VPS35L: variants seen among roughly 807,000 people sequenced by gnomAD.
The protein encoded by VPS35L is VPS35 endosomal protein sorting factor like, also known as VPS35 endosomal protein-sorting factor-like.
A neutral mutation model predicts 133.0 loss-of-function variants in VPS35L; 83 were observed. The ratio of observed to expected loss-of-function variants is 0.62; its 90% CI spans 0.52 to 0.75. The LOEUF (loss-of-function observed/expected upper bound fraction) is 0.75, where lower values mean the gene tolerates loss of function less well. VPS35L is among the 30% of genes least tolerant of loss of function. The pLI, the probability that VPS35L is intolerant of heterozygous loss-of-function variation, is 0.00. For missense variants in VPS35L, 1,083 were observed against 1,206.8 expected (o/e 0.90, Z 1.52); for synonymous variants, 423 against 449.9 (o/e 0.94, Z 0.76).
intron 6 of VPS35L, among the ~76,000 whole-genome samples, chr16:19,580,310 C>T (rs1311016034): frequency 1.3e-5 from 2 of 151,470 alleles, no homozygotes; most frequent in Non-Finnish European, 2.9e-5. Flanking sequence ...GAGGGTTTCA[C>T]GATGTTGACC....
chr16:19,583,822 T>C (rs758898339), intron 7 of VPS35L, among the ~76,000 whole-genome samples: 2 of 152,128 alleles, frequency 1.3e-5, no homozygotes, highest in Non-Finnish European at 2.9e-5. Flanking sequence ...TCCTCATATG[T>C]AGCTGTAATT....
chr16:19,586,413 C>G (rs172889), intron 7 of VPS35L, among the ~76,000 whole-genome samples: 9,906 of 152,204 alleles, frequency 0.065, 735 homozygotes, highest in African/African-American at 0.18. Context: ...GATCTCAGCT[C>G]ACTGCAACCT....
chr16:19,581,423 A>G, intron 6 of VPS35L, 102 bp from the exon 7 acceptor site: 1 of 1,319,106 alleles, frequency 7.6e-7, no homozygotes, highest in Non-Finnish European at 9.9e-7. Context: ...TATGAGGAAA[A>G]TTTAGAGACC....
At chr16:19,692,492 G>C (rs557599213) in intron 29 of VPS35L, among the ~76,000 whole-genome samples, 3 of 152,020 alleles carry the variant, frequency 2.0e-5, no homozygotes, top group Non-Finnish European at 4.4e-5. Flanking sequence ...ATTCTAACCC[G>C]GATTCCCAAA....
At chr16:19,616,295 T>C (rs1308688214) in intron 13 of VPS35L, 104 bp downstream of exon 13, 2 of 954,220 alleles carry the variant, frequency 2.1e-6, no homozygotes, top group Non-Finnish European at 3.3e-6. Context: ...TAAAGCTCTT[T>C]AAATGTGCAA....
At chr16:19,648,985 C>A (rs1974041882) in intron 24 of VPS35L, among the ~76,000 whole-genome samples, 1 of 150,502 alleles carries the variant, frequency 6.6e-6, no homozygotes. Flanking sequence ...AAAAATAATA[C>A]TTTTTTTTCC....
At chr16:19,574,116 C>A (rs1227539227) in intron 4 of VPS35L, among the ~76,000 whole-genome samples, 2 of 152,174 alleles carry the variant, frequency 1.3e-5, no homozygotes, top group Non-Finnish European at 2.9e-5. Context: ...TTGCTTAGAA[C>A]TAAAGCCCCT....
At chr16:19,598,543 G>C (rs1217086958) in intron 8 of VPS35L, among the ~76,000 whole-genome samples, 4 of 152,154 alleles carry the variant, frequency 2.6e-5, no homozygotes, top group African/African-American at 9.7e-5. Context: ...CAGCACTTTG[G>C]GAAGCCAGTG....
At chr16:19,680,846 C>T (rs1330360197) in intron 27 of VPS35L, among the ~76,000 whole-genome samples, 1 of 151,926 alleles carries the variant, frequency 6.6e-6, no homozygotes, top group East Asian at 1.9e-4. Flanking sequence ...AGTCAAGGCT[C>T]CAGCGAGCTG....
intron 14 of VPS35L, among the ~76,000 whole-genome samples, chr16:19,622,163 A>G (rs185350368): frequency 0.076 from 6,050 of 79,260 alleles, 314 homozygotes; most frequent in East Asian, 0.19. Flanking sequence ...TTTTTTTTTT[A>G]AGACGGAGTC....
At chr16:19,624,107 CTTTTTTTTTTTTT>C (rs1182015325) in intron 14 of VPS35L, among the ~76,000 whole-genome samples, 1 of 65,842 alleles carries the variant, frequency 1.5e-5, no homozygotes, top group Non-Finnish European at 2.8e-5. Flanking sequence ...CCTACCAGGT[CTTTTTTTTTTTTT>C]TTTTTTTTTT....
intron 12 of VPS35L, among the ~76,000 whole-genome samples, chr16:19,610,829 T>G (rs1428865864): frequency 6.6e-6 from 1 of 152,074 alleles, no homozygotes; most frequent in Non-Finnish European, 1.5e-5. Context: ...GTGTCCCACA[T>G]GATGGCAGGC....
At chr16:19,623,738 T>C (rs1354898608) in intron 14 of VPS35L, among the ~76,000 whole-genome samples, 2 of 148,682 alleles carry the variant, frequency 1.3e-5, no homozygotes, top group African/African-American at 2.5e-5. Context: ...CCCTTTTTTT[T>C]CTTTATTTTT....
At chr16:19,565,574 A>T (rs574404105) in intron 2 of VPS35L, among the ~76,000 whole-genome samples, 1 of 152,216 alleles carries the variant, frequency 6.6e-6, no homozygotes, top group South Asian at 2.1e-4. Flanking sequence ...GCTGGTCTCG[A>T]ACCCTTGACC....
At chr16:19,691,176 TTTTC>T (rs1189160564) in intron 28 of VPS35L, among the ~76,000 whole-genome samples, 173 bp from the exon 29 acceptor site, 6 of 152,044 alleles carry the variant, frequency 3.9e-5, no homozygotes, top group African/African-American at 1.4e-4. Context: ...AGGCTGGGTG[TTTTC>T]TTTGTGATTC....
chr16:19,629,541 C>T (rs1973378143), intron 17 of VPS35L, among the ~76,000 whole-genome samples: 2 of 152,024 alleles, frequency 1.3e-5, no homozygotes, highest in African/African-American at 4.8e-5. Flanking sequence ...TATGAAAAAT[C>T]AGTTAACTTT....
chr16:19,655,573 A>G (rs1974271344), intron 26 of VPS35L, among the ~76,000 whole-genome samples: 1 of 152,150 alleles, frequency 6.6e-6, no homozygotes, highest in Non-Finnish European at 1.5e-5. Context: ...CCCGACAAGT[A>G]AACTCCTGTT....
intron 9 of VPS35L, among the ~76,000 whole-genome samples, chr16:19,605,399 T>C (rs900377141): frequency 3.9e-5 from 6 of 152,228 alleles, no homozygotes; most frequent in South Asian, 2.1e-4. Flanking sequence ...AACTGTGTCA[T>C]GTCATTGCCA....
intron 23 of VPS35L, among the ~76,000 whole-genome samples, chr16:19,645,933 C>T (rs964680066): frequency 3.3e-5 from 5 of 151,414 alleles, no homozygotes; most frequent in Non-Finnish European, 7.4e-5. Flanking sequence ...CATCCCAAAA[C>T]TTAGTGGCTT....
Sources: allele counts gnomAD v4.1 joint callset (sites outside exome capture counted in the v4.1 genomes callset), GRCh38; gene constraint gnomAD v4.1.1; transcripts MANE v1.5; gene names NCBI Gene and HGNC (gene_info 2026-07-23, HGNC 2026-07-21).